The following STRIP2 variants were observed in gnomAD, a reference collection of about 807,000 sequenced individuals.
STRIP2 encodes the protein striatin interacting protein 2.
A neutral mutation model predicts 107.1 loss-of-function variants in STRIP2; 84 were observed. The ratio of observed to expected loss-of-function variants is 0.78; its 90% confidence interval spans 0.66 to 0.94. STRIP2 has a LOEUF of 0.94. STRIP2 is among the 40% of genes least tolerant of loss of function. STRIP2 has a pLI of 0.00. For synonymous variants in STRIP2, 394 were observed against 400.4 expected (o/e 0.98, Z 0.19); for missense variants, 888 against 1,034.2 (o/e 0.86, Z 1.94).
intron 4 of STRIP2, 117 bp downstream of exon 4, chr7:129,451,864 G>GATCTTGAGAGC: frequency 8.0e-7 from 1 of 1,254,048 alleles, no homozygotes; most frequent in Non-Finnish European, 1.1e-6. Flanking sequence ...GCCTCTCAAG[G>GATCTTGAGAGC]ACAGATCTTG....
intron 15 of STRIP2, 89 bp downstream of exon 15, chr7:129,464,230 A>G: frequency 1.0e-6 from 1 of 986,950 alleles, no homozygotes; most frequent in Non-Finnish European, 1.6e-6. Flanking sequence ...TAACACTTAC[A>G]GAGATTGTCT....
chr7:129,455,439 G>C (rs971217773), intron 8 of STRIP2, 68 bp downstream of exon 8: 1 of 1,547,034 alleles, frequency 6.5e-7, no homozygotes, highest in African/African-American at 1.4e-5. Context: ...GTTTCTTCTA[G>C]TCTCATTCCA....
intron 3 of STRIP2, among the ~76,000 whole-genome samples, chr7:129,450,918 CTTTTTTTTTTTTTTTTTTTTTTTTTT>C (rs758536953): frequency 1.8e-5 from 1 of 54,470 alleles, no homozygotes; most frequent in Non-Finnish European, 3.2e-5. Flanking sequence ...GAGAAAGGTC[CTTTTTTTTTTTTTTTTTTTTTTTTTT>C]TTTTTTTTTT....
intron 4 of STRIP2, 52 bp downstream of exon 4, chr7:129,451,799 T>C (rs754750253): frequency 5.0e-6 from 8 of 1,607,476 alleles, no homozygotes; most frequent in Non-Finnish European, 6.8e-6. Context: ...GAGAGGGAAG[T>C]GGGCATTATC....
intron 19 of STRIP2, 29 bp from the exon 20 acceptor site, chr7:129,482,813 C>T: frequency 6.2e-7 from 1 of 1,610,660 alleles, no homozygotes; most frequent in Non-Finnish European, 8.5e-7. Context: ...AACGTTAGAT[C>T]TTTACCCCAC....
intron 5 of STRIP2, 36 bp downstream of exon 5, chr7:129,453,383 C>A (rs186547605): frequency 1.2e-6 from 2 of 1,612,298 alleles, no homozygotes; most frequent in Non-Finnish European, 1.7e-6. Flanking sequence ...GCCTACATAA[C>A]CCCCATTCCT....
Position 129,485,677 on chromosome 7 carries a change from T to A in STRIP2, c.2353T>A (p.Ser785Thr), listed in dbSNP as rs778296565. 6.2e-7 allele frequency: 1 copy of A among 1,614,076 alleles called. No homozygotes were observed. Among genetic ancestry groups the A allele is most frequent in the Non-Finnish European group, 8.5e-7 (1 of 1,180,016 alleles). Residue 785 changes from serine (S) to threonine (T), a missense_variant, in exon 21 of 21, where the codon TCT (serine) becomes ACT (threonine). Ser to Thr is a moderately conservative substitution (Grantham distance 58). Transcript: ENST00000249344. The stretch of plus-strand genomic sequence containing the variant: ...CCGTCGCTATGACAGACCCCAGGAC[T>A]CTGAGTTTTCACCTGTGGATAACTG... ...NSRRYDRPQDSEFSPVDNCLQ... is the reference protein window; with the variant it reads ...NSRRYDRPQDTEFSPVDNCLQ...
chr7:129,485,826 C>T lies in STRIP2; in HGVS notation c.2502C>T (p.His834=), dbSNP rs1399578495. 1 of 1,612,396 alleles carries T rather than the reference C, an allele frequency of 6.2e-7. No homozygotes were observed. The highest frequency in any genetic ancestry group is 1.4e-5 in the African/African-American group (1 of 73,790). The part of the protein sequence containing the change: ...PICWEELLQN[H] Reference sequence around the variant, plus strand: ...GTTGGGAGGAGCTGCTCCAGAATCACTGACTAAGTTCTTGTCAACAAGCAT... The same window carrying T: ...GTTGGGAGGAGCTGCTCCAGAATCATTGACTAAGTTCTTGTCAACAAGCAT... The change falls in exon 21 of 21, where the codon CAC becomes CAT. Residue 834 remains histidine, a synonymous_variant. Transcript: ENST00000249344.
In STRIP2 at chr7:129,486,766, T is replaced by C. The variant is rs1015025177; in HGVS notation, c.*937T>C. ...AAAGCATCACAGCTTACCATTTTTC[T>C]TTTTCTGCAGTGTTGATTAATGATT... On this transcript the variant is annotated 3_prime_UTR_variant, in exon 21 of 21. Coordinates refer to ENST00000249344, the MANE Select transcript of STRIP2 (RefSeq NM_020704.3). 1.3e-5 allele frequency: 2 copies of C among 152,204 alleles called. No homozygotes were observed. Among genetic ancestry groups the C allele is most frequent in the Non-Finnish European group, 2.9e-5 (2 of 68,038 alleles). 9.4% of individuals were successfully genotyped at this position (152,204 alleles called of 1,614,324 possible).
chr7:129,469,655 C>G (rs1031256649), intron 17 of STRIP2, among the ~76,000 whole-genome samples: 7 of 152,260 alleles, frequency 4.6e-5, no homozygotes, highest in African/African-American at 1.7e-4. Context: ...CTCTCCCAAG[C>G]TGACCCTTCT....
At chr7:129,460,634 T>C (rs1479094293) in intron 13 of STRIP2, 2 of 448,230 alleles carry the variant, frequency 4.5e-6, no homozygotes, top group Admixed American at 3.6e-5. Context: ...ATCAGTAGAC[T>C]ACTTAAGATT....
chr7:129,451,814 C>T (rs1798202386), intron 4 of STRIP2, 67 bp downstream of exon 4: 2 of 1,588,126 alleles, frequency 1.3e-6, no homozygotes. Context: ...ATTATCAGGA[C>T]TGAGATGACG....
At chr7:129,447,491 T>C (rs1798067869) in intron 3 of STRIP2, among the ~76,000 whole-genome samples, 1 of 152,242 alleles carries the variant, frequency 6.6e-6, no homozygotes, top group Non-Finnish European at 1.5e-5. Context: ...CATTTGCTAC[T>C]TCTTGCTCAC....
At position 129,456,150 on chromosome 7, in the gene STRIP2, C is replaced by CT. The variant is rs921473176; in HGVS notation, c.835-274dup. On this transcript the variant is annotated intron_variant, in intron 8 of 20. Coordinates refer to ENST00000249344, the MANE Select transcript of STRIP2 (RefSeq NM_020704.3). ...AAAAAGTCGATAGTTTCTTTTTTTT[C>CT]TTTTTTTTTTTTTTTGAGGAGGCCC... is the stretch of plus-strand genomic sequence containing the variant. Among the ~76,000 whole-genome samples, 19 of 76,746 alleles carry CT rather than the reference C, an allele frequency of 2.5e-4. 1 individual carries two copies. The highest frequency in any genetic ancestry group is 4.6e-4 in the South Asian group (1 of 2,152). The allele number at this position is 76,746 out of a possible 152,430, so 50.3% of individuals were successfully genotyped here.
chr7:129,482,791 G>A (rs779114416), intron 19 of STRIP2, 51 bp from the exon 20 acceptor site: 1 of 1,601,234 alleles, frequency 6.2e-7, no homozygotes, highest in African/African-American at 1.3e-5. Context: ...CTGTAAACTG[G>A]AAATTCCAAG....
intron 16 of STRIP2, 104 bp from the exon 17 acceptor site, chr7:129,467,246 T>G: frequency 1.2e-6 from 1 of 811,688 alleles, no homozygotes. Flanking sequence ...ATAGTAGATA[T>G]TCTCAGGAAT....
intron 19 of STRIP2, among the ~76,000 whole-genome samples, chr7:129,482,372 TATA>T (rs1446599892): frequency 0.15 from 14,689 of 100,426 alleles, 1,768 homozygotes; most frequent in East Asian, 0.34. Context: ...TATATATATA[TATA>T]TATTTTTTTT....
chr7:129,477,755 C>A, intron 18 of STRIP2: 1 of 220,164 alleles, frequency 4.5e-6, no homozygotes. Context: ...AAAAACATGC[C>A]AACAATTGAT....
chr7:129,450,918 CTTTTTTTTTTTTTTTTTTTTTTT>C (rs758536953), intron 3 of STRIP2, among the ~76,000 whole-genome samples: 4 of 54,512 alleles, frequency 7.3e-5, no homozygotes, highest in East Asian at 6.6e-4. Context: ...GAGAAAGGTC[CTTTTTTTTTTTTTTTTTTTTTTT>C]TTTTTTTTTT....
Sources: allele counts gnomAD v4.1 joint callset (sites outside exome capture counted in the v4.1 genomes callset), GRCh38; gene constraint gnomAD v4.1.1; transcripts MANE v1.5; gene names NCBI Gene and HGNC (gene_info 2026-07-23, HGNC 2026-07-21).